Variants in USH2A observed in about 807,000 individuals in gnomAD.
USH2A encodes the protein usherin.
USH2A carries 443 observed loss-of-function variants against 538.9 expected under a neutral mutation model. The observed-to-expected ratio is 0.82, with a 90% CI of 0.76 to 0.89. The LOEUF (loss-of-function observed/expected upper bound fraction) is 0.89, where lower values mean the gene tolerates loss of function less well. USH2A is among the 40% of genes least tolerant of loss of function. The pLI is 0.00. For missense variants in USH2A, 6,633 were observed against 6,324.8 expected, an observed-to-expected ratio of 1.05 and a Z score of -1.65; for synonymous variants, 2,413 against 2,273.5, an observed-to-expected ratio of 1.06 and a Z score of -1.75.
intron 61 of USH2A, among the ~76,000 whole-genome samples, chr1:215,703,298 G>A (rs751086827): frequency 5.3e-5 from 8 of 152,274 alleles, no homozygotes; most frequent in South Asian, 4.1e-4. Flanking sequence ...GGTCAGGGAC[G>A]CACTTGAGGA....
intron 61 of USH2A, among the ~76,000 whole-genome samples, chr1:215,719,681 A>C (rs1027388658): frequency 6.6e-6 from 1 of 152,196 alleles, no homozygotes; most frequent in Admixed American, 6.5e-5. Flanking sequence ...ATTGCCCTTT[A>C]CAGTACTTTG....
In USH2A at chr1:215,650,436, CTCTGAG is replaced by C. The variant is rs530721043; in HGVS notation, c.14343+150_14343+155del. Among the ~76,000 whole-genome samples, 38 of 152,188 alleles carry C rather than the reference CTCTGAG, an allele frequency of 2.5e-4. No individual in the cohort carries two copies. In the East Asian group the frequency reaches 4.8e-3, roughly 19 times the overall value. ...GTTTCCTCAGGGTTCACTTTTTCTT[CTCTGAG>C]GGATATTTGTGCTACTAAGTTCACC... On this transcript the variant is annotated intron_variant, in intron 65 of 71. Coordinates refer to ENST00000307340, the MANE Select transcript of USH2A (RefSeq NM_206933.4).
intron 44 of USH2A, among the ~76,000 whole-genome samples, chr1:215,853,959 C>A (rs1316248037): frequency 6.6e-6 from 1 of 152,220 alleles, no homozygotes; most frequent in African/African-American, 2.4e-5. Context: ...ACTGTTCCAA[C>A]CTCTGCCTGT....
intron 37 of USH2A, among the ~76,000 whole-genome samples, chr1:215,960,099 C>T (rs1317851273): frequency 2.0e-5 from 3 of 152,200 alleles, no homozygotes; most frequent in African/African-American, 7.2e-5. Context: ...TATAGGATCT[C>T]AGAATATTTT....
intron 21 of USH2A, among the ~76,000 whole-genome samples, chr1:216,149,330 A>C (rs1045011521): frequency 9.2e-5 from 14 of 152,092 alleles, no homozygotes; most frequent in African/African-American, 3.4e-4. Flanking sequence ...TCCCACCTCT[A>C]TACAGTCTGA....
At chr1:216,153,200 C>G (rs577520221) in intron 21 of USH2A, among the ~76,000 whole-genome samples, 1 of 152,242 alleles carries the variant, frequency 6.6e-6, no homozygotes, top group Non-Finnish European at 1.5e-5. Flanking sequence ...GGACAAGAAC[C>G]CAGGTACCAA....
intron 30 of USH2A, among the ~76,000 whole-genome samples, chr1:216,067,809 T>G (rs776259281): frequency 6.6e-6 from 1 of 152,078 alleles, no homozygotes; most frequent in Admixed American, 6.6e-5. Context: ...AAACGCCTAT[T>G]GGATGCAGGC....
chr1:216,330,884 T>G (rs1236109397), intron 4 of USH2A, among the ~76,000 whole-genome samples: 1 of 152,072 alleles, frequency 6.6e-6, no homozygotes, highest in Non-Finnish European at 1.5e-5. Flanking sequence ...GAGGTGTACC[T>G]TTCAATGCTG....
At chr1:215,645,086 G>C (rs899554439) in intron 67 of USH2A, among the ~76,000 whole-genome samples, 1 of 152,170 alleles carries the variant, frequency 6.6e-6, no homozygotes, top group African/African-American at 2.4e-5. Context: ...TCTGCAGTGG[G>C]AAGTGGAGCA....
chr1:215,902,653 T>G (rs1665531750), intron 38 of USH2A, among the ~76,000 whole-genome samples: 1 of 152,130 alleles, frequency 6.6e-6, no homozygotes, highest in African/African-American at 2.4e-5. Flanking sequence ...AGTTACTAGG[T>G]AACAACTTCA....
At chr1:216,250,362 A>T (rs1172580013) in intron 12 of USH2A, among the ~76,000 whole-genome samples, 1 of 152,202 alleles carries the variant, frequency 6.6e-6, no homozygotes, top group Non-Finnish European at 1.5e-5. Context: ...GCCCTTTGTA[A>T]GTAACCCTAG....
chr1:215,777,981 C>G (rs1334436980), intron 55 of USH2A, among the ~76,000 whole-genome samples: 1 of 152,018 alleles, frequency 6.6e-6, no homozygotes, highest in Admixed American at 6.5e-5. Context: ...GTGATGATTT[C>G]CACTTCAAGT....
intron 32 of USH2A, among the ~76,000 whole-genome samples, chr1:216,006,654 A>C (rs1668399232): frequency 6.6e-6 from 1 of 151,454 alleles, no homozygotes; most frequent in Non-Finnish European, 1.5e-5. Context: ...TTCCTTTGTG[A>C]CTCTCTTCAT....
At chr1:215,784,234 C>T (rs1661726556) in intron 52 of USH2A, among the ~76,000 whole-genome samples, 1 of 152,132 alleles carries the variant, frequency 6.6e-6, no homozygotes, top group African/African-American at 2.4e-5. Flanking sequence ...TATAGAAAGA[C>T]ACTGACAACT....
At chr1:216,366,203 G>A (rs2038592604) in intron 3 of USH2A, among the ~76,000 whole-genome samples, 1 of 152,130 alleles carries the variant, frequency 6.6e-6, no homozygotes. Flanking sequence ...TGAGAGAGGG[G>A]AGGAAAGAGT....
At position 215,639,194 on chromosome 1, in the gene USH2A, T is replaced by G. The variant is rs1571922652; in HGVS notation, c.15013A>C (p.Lys5005Gln). The change falls in exon 69 of 72, where the codon AAG becomes CAG. Residue 5005 changes from lysine (K) to glutamine (Q), a missense_variant. Lys to Gln is a moderately conservative substitution (Grantham distance 53). Coordinates refer to ENST00000307340, the MANE Select transcript of USH2A (RefSeq NM_206933.4). ...GTATCATATTGGATCAACGGCGTCT[T>G]AACACTTCCTTCGTCAGTCGTGCAG... is the stretch of plus-strand genomic sequence containing the variant. ...VICTTDEGSV[K>Q]TPLIQYDTST... The G allele has an allele frequency of 6.2e-7, 1 of 1,614,132 alleles. No homozygotes were observed. Among genetic ancestry groups the G allele is most frequent in the East Asian group, 2.2e-5 (1 of 44,864 alleles).
intron 4 of USH2A, among the ~76,000 whole-genome samples, chr1:216,336,834 G>C (rs1035932139): frequency 7.9e-5 from 12 of 151,492 alleles, no homozygotes; most frequent in African/African-American, 2.9e-4. Context: ...AAAATTCTTT[G>C]TGACCTTGAC....
chr1:215,889,123 T>C (rs2102460769), intron 40 of USH2A, 69 bp from the exon 41 acceptor site: 1 of 1,553,268 alleles, frequency 6.4e-7, no homozygotes, highest in Non-Finnish European at 8.8e-7. Context: ...AAAGCTAAAA[T>C]GAGTGATAGC....
chr1:216,297,077 G>T (rs2037120686), intron 9 of USH2A, among the ~76,000 whole-genome samples: 1 of 151,904 alleles, frequency 6.6e-6, no homozygotes, highest in Admixed American at 6.6e-5. Context: ...TTAGGCCTGG[G>T]TGATACAATA....
Sources: allele counts gnomAD v4.1 joint callset (sites outside exome capture counted in the v4.1 genomes callset), GRCh38; gene constraint gnomAD v4.1.1; transcripts MANE v1.5; gene names NCBI Gene and HGNC (gene_info 2026-07-23, HGNC 2026-07-21).